Variants in C1orf21 observed in about 807,000 individuals in gnomAD.
C1orf21 encodes the protein chromosome 1 open reading frame 21, also known as uncharacterized protein C1orf21.
C1orf21 carries 3 observed loss-of-function variants against 18.7 expected under a neutral mutation model. The ratio of observed to expected loss-of-function variants is 0.16; its 90% CI spans 0.07 to 0.42. The LOEUF (loss-of-function observed/expected upper bound fraction) is 0.42. Among genes scored for constraint, C1orf21 ranks in the 10% least tolerant of loss-of-function variants. The pLI is 0.99. For synonymous variants in C1orf21, 41 were observed against 46.4 expected, an observed-to-expected ratio of 0.88 and a Z score of 0.47; for missense variants, 104 against 143.6, an observed-to-expected ratio of 0.72 and a Z score of 1.41.
At chr1:184,564,772 T>C (rs2101987399) in intron 3 of C1orf21, among the ~76,000 whole-genome samples, 2 of 152,294 alleles carry the variant, frequency 1.3e-5, no homozygotes, top group Middle Eastern at 6.8e-3. Flanking sequence ...ACTAGGGATC[T>C]CTGGAAACCT....
chr1:184,568,088 T>A (rs1223363966), intron 3 of C1orf21, among the ~76,000 whole-genome samples: 2 of 152,318 alleles, frequency 1.3e-5, no homozygotes, highest in East Asian at 1.9e-4. Flanking sequence ...TTCACCATTT[T>A]AAAACCCTCT....
At chr1:184,392,536 C>G (rs1040017357) in intron 1 of C1orf21, among the ~76,000 whole-genome samples, 1 of 152,094 alleles carries the variant, frequency 6.6e-6, no homozygotes, top group Non-Finnish European at 1.5e-5. Flanking sequence ...CCAGACTTCA[C>G]CACTACACAA....
At chr1:184,407,145 T>TA (rs929334770) in intron 1 of C1orf21, among the ~76,000 whole-genome samples, 8 of 151,660 alleles carry the variant, frequency 5.3e-5, no homozygotes, top group African/African-American at 1.7e-4. Flanking sequence ...TTGGCTAATT[T>TA]AAAAAAAAAT....
At chr1:184,555,692 A>T (rs1324828971) in intron 3 of C1orf21, among the ~76,000 whole-genome samples, 3 of 151,722 alleles carry the variant, frequency 2.0e-5, no homozygotes, top group African/African-American at 7.3e-5. Context: ...GAGCGGGGCA[A>T]GGAGTTGGGG....
intron 3 of C1orf21, among the ~76,000 whole-genome samples, chr1:184,509,510 T>C (rs1658113034): frequency 1.3e-5 from 2 of 152,152 alleles, no homozygotes; most frequent in Admixed American, 1.3e-4. Context: ...ATCTGAAATT[T>C]CTAGACTGTT....
chr1:184,462,935 A>G (rs1557978385), intron 1 of C1orf21, among the ~76,000 whole-genome samples: 2 of 152,022 alleles, frequency 1.3e-5, no homozygotes, highest in Non-Finnish European at 2.9e-5. Context: ...TACAAAAAGT[A>G]GCTCAGCGTG....
intron 1 of C1orf21, among the ~76,000 whole-genome samples, chr1:184,468,491 T>G (rs1657440925): frequency 6.6e-6 from 1 of 152,238 alleles, no homozygotes. Context: ...TTTGTAGGAT[T>G]CAGATCTTTT....
chr1:184,478,228 T>A (rs1236568238), intron 2 of C1orf21, among the ~76,000 whole-genome samples: 1 of 151,852 alleles, frequency 6.6e-6, no homozygotes, highest in African/African-American at 2.4e-5. Context: ...AGTGAGGTGT[T>A]TTTTTTTAAA....
chr1:184,494,125 T>G (rs1657855673), intron 2 of C1orf21, among the ~76,000 whole-genome samples: 1 of 152,238 alleles, frequency 6.6e-6, no homozygotes, highest in African/African-American at 2.4e-5. Flanking sequence ...GATGGCTGTT[T>G]CAGAGTCATC....
chr1:184,417,355 T>TC (rs58705104), intron 1 of C1orf21, among the ~76,000 whole-genome samples: 3,131 of 152,188 alleles, frequency 0.021, 117 homozygotes, highest in African/African-American at 0.069. Flanking sequence ...AATACACCCC[T>TC]CCCCCAAAGA....
At chr1:184,508,518 T>C (rs909996126) in intron 3 of C1orf21, among the ~76,000 whole-genome samples, 4 of 152,174 alleles carry the variant, frequency 2.6e-5, no homozygotes, top group Non-Finnish European at 1.5e-5. Context: ...TTTTTTATAA[T>C]GTGCTTTGTT....
At chr1:184,619,126 ATG>A (rs1659876994) in intron 5 of C1orf21, among the ~76,000 whole-genome samples, 1 of 152,188 alleles carries the variant, frequency 6.6e-6, no homozygotes, top group Non-Finnish European at 1.5e-5. Context: ...TGTCTGTAGA[ATG>A]TTGATTTTCA....
At chr1:184,548,774 TG>T (rs1458476126) in intron 3 of C1orf21, among the ~76,000 whole-genome samples, 1 of 152,202 alleles carries the variant, frequency 6.6e-6, no homozygotes, top group East Asian at 1.9e-4. Flanking sequence ...TAATTGTGAA[TG>T]TAGGCAACAA....
At chr1:184,444,540 A>T (rs983897442) in intron 1 of C1orf21, among the ~76,000 whole-genome samples, 1 of 152,120 alleles carries the variant, frequency 6.6e-6, no homozygotes, top group Non-Finnish European at 1.5e-5. Flanking sequence ...AGTCCAATTA[A>T]ACCTCTTTTT....
At chr1:184,541,560 G>A (rs914356257) in intron 3 of C1orf21, among the ~76,000 whole-genome samples, 1 of 152,090 alleles carries the variant, frequency 6.6e-6, no homozygotes, top group African/African-American at 2.4e-5. Context: ...CTCAGACCCT[G>A]GCAGAAATGA....
At chr1:184,439,057 A>G (rs1185912456) in intron 1 of C1orf21, among the ~76,000 whole-genome samples, 1 of 152,050 alleles carries the variant, frequency 6.6e-6, no homozygotes, top group African/African-American at 2.4e-5. Context: ...CTAAAAATAT[A>G]AAAACTGGCC....
intron 3 of C1orf21, among the ~76,000 whole-genome samples, chr1:184,585,556 T>G (rs1283095221): frequency 6.6e-6 from 1 of 152,202 alleles, no homozygotes; most frequent in Non-Finnish European, 1.5e-5. Context: ...GTACAGATTA[T>G]TTCATCACCC....
intron 5 of C1orf21, among the ~76,000 whole-genome samples, chr1:184,612,122 A>G (rs58703459): frequency 0.012 from 1,802 of 152,358 alleles, 32 homozygotes; most frequent in African/African-American, 0.038. Context: ...TGCACAGTCC[A>G]GCAACTAACA....
intron 1 of C1orf21, among the ~76,000 whole-genome samples, chr1:184,406,282 C>T (rs1656247840): frequency 6.6e-6 from 1 of 152,126 alleles, no homozygotes. Context: ...TGGTTTTCTA[C>T]TCCTATGTTA....
Sources: gnomAD v4.1 joint callset for allele counts (sites outside exome capture counted in the v4.1 genomes callset) on GRCh38, gnomAD v4.1.1 for gene constraint, MANE v1.5 for transcripts, NCBI Gene and HGNC (gene_info 2026-07-23, HGNC 2026-07-21) for gene names.